SYN3: variants seen among roughly 807,000 people sequenced by gnomAD.
SYN3 encodes synapsin-3.
In SYN3, 35 loss-of-function variants were observed where a neutral mutation model predicts 65.8. That is an observed-to-expected ratio of 0.53 (90% CI 0.41 to 0.70). SYN3 has a LOEUF of 0.70. Ranked by LOEUF, SYN3 falls within the 30% of genes least tolerant of loss-of-function variation. The pLI is 0.00. For synonymous variants in SYN3, 270 were observed against 292.9 expected (o/e 0.92, Z 0.80); for missense variants, 680 against 749.0 (o/e 0.91, Z 1.08).
At chr22:32,654,389 C>T (rs938936241) in intron 6 of SYN3, among the ~76,000 whole-genome samples, 13 of 152,166 alleles carry the variant, frequency 8.5e-5, no homozygotes, top group African/African-American at 2.9e-4. Context: ...CTGTCAATGG[C>T]GACCTCCTCA....
intron 8 of SYN3, among the ~76,000 whole-genome samples, chr22:32,541,235 A>C (rs1301590143): frequency 6.6e-6 from 1 of 152,204 alleles, no homozygotes; most frequent in Non-Finnish European, 1.5e-5. Context: ...AAAATACTCC[A>C]AAACCCTCAG....
At chr22:32,832,541 GTT>G (rs11295694) in intron 6 of SYN3, among the ~76,000 whole-genome samples, 108 of 138,588 alleles carry the variant, frequency 7.8e-4, no homozygotes, top group African/African-American at 2.8e-3. Context: ...ATAAGCCTGG[GTT>G]TTTTTTTTTT....
intron 6 of SYN3, among the ~76,000 whole-genome samples, chr22:32,831,642 G>C (rs1281837841): frequency 1.3e-5 from 2 of 152,180 alleles, no homozygotes; most frequent in African/African-American, 4.8e-5. Flanking sequence ...GAATTCTTCT[G>C]TATGTAGATT....
chr22:32,624,290 C>T (rs1251491104), intron 6 of SYN3, among the ~76,000 whole-genome samples: 1 of 152,098 alleles, frequency 6.6e-6, no homozygotes, highest in Admixed American at 6.5e-5. Flanking sequence ...TGGGGAAGTC[C>T]CCAGAGGCTG....
rs73162070 is a variant in SYN3 at position 33,015,509 on chromosome 22, C to G, written c.-162-8685G>C. 3.2e-3 allele frequency: 588 copies of G among 186,248 alleles called. 2 individuals are homozygous for G. The highest frequency in any genetic ancestry group is 0.012 in the African/African-American group (529 of 42,416). 11.5% of individuals were successfully genotyped at this position (186,248 alleles called of 1,614,324 possible). ...AGCTGACAACCAGTGCCAGCTGTTT[C>G]TGTACACCAGCTATTGTAAAATAAT... On this transcript the variant is annotated intron_variant, in intron 1 of 13. Coordinates refer to ENST00000358763, the MANE Select transcript of SYN3 (RefSeq NM_003490.4).
chr22:32,895,088 T>C (rs2049554394), intron 4 of SYN3, among the ~76,000 whole-genome samples: 1 of 152,216 alleles, frequency 6.6e-6, no homozygotes, highest in Non-Finnish European at 1.5e-5. Context: ...GTCTGATGTG[T>C]AGTGCATGGC....
At chr22:32,679,839 C>CTTTTTTTTTTTTTTTTTTGTTTTTTTTT (rs2060498430) in intron 6 of SYN3, among the ~76,000 whole-genome samples, 1 of 39,150 alleles carries the variant, frequency 2.6e-5, no homozygotes, top group Non-Finnish European at 4.6e-5. Context: ...TGTTTTTTGG[C>CTTTTTTTTTTTTTTTTTTGTTTTTTTTT]TTTTTTTTTT....
intron 3 of SYN3, among the ~76,000 whole-genome samples, chr22:32,978,487 G>T (rs2052275371): frequency 6.6e-6 from 1 of 151,960 alleles, no homozygotes; most frequent in South Asian, 2.1e-4. Flanking sequence ...TGTACTTCTG[G>T]TCTCCTTATC....
intron 2 of SYN3, among the ~76,000 whole-genome samples, chr22:32,981,526 G>A (rs560161062): frequency 5.9e-4 from 89 of 151,836 alleles, no homozygotes; most frequent in African/African-American, 1.1e-3. Flanking sequence ...CAGAAGTTGC[G>A]GTGAGCCAAG....
intron 7 of SYN3, among the ~76,000 whole-genome samples, chr22:32,584,628 A>G (rs2058997041): frequency 6.6e-6 from 1 of 152,204 alleles, no homozygotes; most frequent in Non-Finnish European, 1.5e-5. Context: ...TGCTCATAAG[A>G]ACAGACAATT....
intron 7 of SYN3, among the ~76,000 whole-genome samples, chr22:32,570,288 T>C (rs1345740225): frequency 1.3e-5 from 2 of 152,190 alleles, no homozygotes; most frequent in African/African-American, 4.8e-5. Flanking sequence ...AGGGGATGGC[T>C]AGACTCCTTG....
rs531516545 is a variant in SYN3, at chr22:32,917,998, C to T, written c.461+13392G>A. On this transcript the variant is annotated intron_variant, in intron 4 of 13. Coordinates refer to ENST00000358763, the MANE Select transcript of SYN3 (RefSeq NM_003490.4). ...CTGCTCTGCTGGGCCCCTGGACGAC[C>T]CTAAGTGCCTGACCTTGCAGACCAC... is the stretch of plus-strand genomic sequence containing the variant. Among the ~76,000 whole-genome samples the T allele has an allele frequency of 2.0e-5, 3 of 152,346 alleles. No individual in the cohort carries two copies. The South Asian group carries it at 6.2e-4, about 32-fold the overall frequency.
intron 4 of SYN3, among the ~76,000 whole-genome samples, chr22:32,898,063 T>C (rs576236124): frequency 3.3e-4 from 50 of 152,302 alleles, no homozygotes; most frequent in African/African-American, 1.2e-3. Context: ...TGGTGCAATC[T>C]TGGCTCACTG....
At chr22:32,749,401 G>A (rs950736059) in intron 6 of SYN3, among the ~76,000 whole-genome samples, 3 of 148,888 alleles carry the variant, frequency 2.0e-5, no homozygotes, top group African/African-American at 7.5e-5. Flanking sequence ...CAGCACTTTG[G>A]GAGGCCAAGG....
chr22:32,616,052 A>ATGCCAGGAGTTCCCTGCAAGC (rs753716271), intron 6 of SYN3, among the ~76,000 whole-genome samples: 6 of 152,222 alleles, frequency 3.9e-5, no homozygotes, highest in Non-Finnish European at 7.4e-5. Context: ...GGAATGCAGG[A>ATGCCAGGAGTTCCCTGCAAGC]TGCCAGGAGT....
chr22:33,001,753 T>C (rs1203404767), intron 2 of SYN3, among the ~76,000 whole-genome samples: 1 of 152,222 alleles, frequency 6.6e-6, no homozygotes, highest in Non-Finnish European at 1.5e-5. Flanking sequence ...ATGACATAGG[T>C]ACTATCATTA....
chr22:32,720,704 C>T (rs546840441), intron 6 of SYN3, among the ~76,000 whole-genome samples: 3 of 152,334 alleles, frequency 2.0e-5, no homozygotes, highest in South Asian at 2.1e-4. Flanking sequence ...CCTCAAAGCC[C>T]GTGGCCTTCC....
Position 32,844,428 on chromosome 22 carries a change from T to C in SYN3, c.711+20487A>G, listed in dbSNP as rs5994639. Among the ~76,000 whole-genome samples the C allele has an allele frequency of 2.4e-3, 360 of 152,328 alleles. 1 individual carries two copies. Among genetic ancestry groups the C allele is most frequent in the African/African-American group, 8.4e-3 (350 of 41,564 alleles). ...GGTGGGGAGAGGCAGCATGAAGGTA[T>C]ATTTATGGAAGAGGTGTGCCTTGTT... is the stretch of plus-strand genomic sequence containing the variant. On this transcript the variant is annotated intron_variant, in intron 6 of 13. Coordinates refer to ENST00000358763, the MANE Select transcript of SYN3 (RefSeq NM_003490.4).
chr22:32,513,872 C>CAAAG (rs1193659337), intron 13 of SYN3, 48 bp from the exon 14 acceptor site: 1 of 1,610,238 alleles, frequency 6.2e-7, no homozygotes, highest in Middle Eastern at 1.7e-4. Flanking sequence ...CGAAGACTAT[C>CAAAG]AAAGAAATGG....
Sources: gnomAD v4.1 joint callset for allele counts (sites outside exome capture counted in the v4.1 genomes callset) on GRCh38, gnomAD v4.1.1 for gene constraint, MANE v1.5 for transcripts, NCBI Gene and HGNC (gene_info 2026-07-23, HGNC 2026-07-21) for gene names.